Variants in NAALADL2 observed in about 807,000 individuals in gnomAD.
NAALADL2 encodes N-acetylated alpha-linked acidic dipeptidase like 2, also known as inactive N-acetylated-alpha-linked acidic dipeptidase-like protein 2.
In NAALADL2, 76 loss-of-function variants were observed where a neutral mutation model predicts 87.2. The ratio of observed to expected loss-of-function variants is 0.87; its 90% CI spans 0.72 to 1.05. The LOEUF is 1.05. Among genes scored for constraint, NAALADL2 ranks in the 50% least tolerant of loss-of-function variants. The pLI, the probability that NAALADL2 is intolerant of heterozygous loss-of-function variation, is 0.00. For synonymous variants in NAALADL2, 354 were observed against 331.0 expected, an observed-to-expected ratio of 1.07 and a Z score of -0.75; for missense variants, 1,089 against 945.8, an observed-to-expected ratio of 1.15 and a Z score of -1.99.
At chr3:175,643,194 T>A (rs1166407219) in intron 11 of NAALADL2, among the ~76,000 whole-genome samples, 1 of 152,190 alleles carries the variant, frequency 6.6e-6, no homozygotes, top group Non-Finnish European at 1.5e-5. Flanking sequence ...TGTTGATAGA[T>A]GTTGCAATAG....
At chr3:174,569,942 T>C (rs59965643) in intron 2 of NAALADL2, among the ~76,000 whole-genome samples, 3,015 of 152,222 alleles carry the variant, frequency 0.02, 100 homozygotes, top group African/African-American at 0.068. Context: ...GCTCTTTCTC[T>C]GTAAGGCTTC....
At chr3:175,324,083 GTCA>G (rs1760367042) in intron 4 of NAALADL2, 89 bp from the exon 5 acceptor site, 17 of 778,598 alleles carry the variant, frequency 2.2e-5, no homozygotes, top group Non-Finnish European at 3.4e-5. Context: ...TGGAAAAAGA[GTCA>G]TCTTATCATA....
chr3:174,441,170 AC>A (rs1714574813), intron 1 of NAALADL2: 1 of 152,038 alleles, frequency 6.6e-6, no homozygotes, highest in African/African-American at 2.4e-5. Context: ...TGTGGGCCGC[AC>A]CCCTGCGCGG....
At chr3:175,061,973 T>A (rs1713585073) in intron 1 of NAALADL2, among the ~76,000 whole-genome samples, 1 of 151,980 alleles carries the variant, frequency 6.6e-6, no homozygotes, top group African/African-American at 2.4e-5. Flanking sequence ...AAAAGCTGGA[T>A]CACAGGTGCA....
At chr3:174,899,774 T>C (rs1579431711) in intron 1 of NAALADL2, among the ~76,000 whole-genome samples, 2 of 152,112 alleles carry the variant, frequency 1.3e-5, no homozygotes, top group South Asian at 4.1e-4. Context: ...AGTGTTTTTT[T>C]CTATGAATTC....
At chr3:175,787,026 T>G (rs1456054749) in intron 13 of NAALADL2, among the ~76,000 whole-genome samples, 36 of 150,850 alleles carry the variant, frequency 2.4e-4, no homozygotes, top group South Asian at 1.0e-3. Context: ...GGCTGCTTGT[T>G]GGTCAGGGGT....
intron 5 of NAALADL2, among the ~76,000 whole-genome samples, chr3:175,342,962 C>A (rs529228194): frequency 2.6e-5 from 4 of 151,972 alleles, no homozygotes; most frequent in Admixed American, 6.6e-5. Context: ...CATAATATTT[C>A]TTTTAGATAC....
At chr3:175,392,708 A>G (rs931376000) in intron 5 of NAALADL2, among the ~76,000 whole-genome samples, 6 of 152,178 alleles carry the variant, frequency 3.9e-5, no homozygotes, top group Admixed American at 1.3e-4. Flanking sequence ...AGCTAGCACA[A>G]CTTTGGAATG....
At chr3:174,618,920 A>G (rs1720738694) in intron 2 of NAALADL2, among the ~76,000 whole-genome samples, 1 of 151,950 alleles carries the variant, frequency 6.6e-6, no homozygotes, top group Non-Finnish European at 1.5e-5. Context: ...ACCACATTCA[A>G]AGCAAAGGAT....
At chr3:175,396,362 A>AGATTT (rs1368277804) in intron 5 of NAALADL2, among the ~76,000 whole-genome samples, 1 of 152,172 alleles carries the variant, frequency 6.6e-6, no homozygotes, top group East Asian at 1.9e-4. Context: ...AAAAATGCCA[A>AGATTT]GATTTTTAAT....
At position 175,043,572 on chromosome 3, in the gene NAALADL2, G is replaced by A. The variant is rs75550341; in HGVS notation, c.44-53218G>A. Among the ~76,000 whole-genome samples, 1,002 of 152,218 alleles carry A rather than the reference G, an allele frequency of 6.6e-3. 10 individuals are homozygous for A. Among genetic ancestry groups the A allele is most frequent in the African/African-American group, 0.023 (949 of 41,520 alleles). On this transcript the variant is annotated intron_variant, in intron 1 of 13. Coordinates refer to ENST00000454872, the MANE Select transcript of NAALADL2 (RefSeq NM_207015.3). ...CTTTAATCTATTTTAAGTTGATTAA[G>A]GATCCAATTTTAATTTTTTACATGT...
At chr3:175,792,172 C>A (rs1480898015) in intron 13 of NAALADL2, among the ~76,000 whole-genome samples, 1 of 152,142 alleles carries the variant, frequency 6.6e-6, no homozygotes, top group African/African-American at 2.4e-5. Flanking sequence ...CAAATAGTGA[C>A]ACACGAATAA....
chr3:175,021,491 G>GA (rs1240515414), intron 1 of NAALADL2, among the ~76,000 whole-genome samples: 10 of 152,160 alleles, frequency 6.6e-5, no homozygotes, highest in Admixed American at 6.6e-4. Flanking sequence ...CCCATAGTAT[G>GA]AAAAATCACA....
intron 1 of NAALADL2, among the ~76,000 whole-genome samples, chr3:174,522,716 C>T (rs1212370923): frequency 1.3e-5 from 2 of 151,588 alleles, no homozygotes; most frequent in East Asian, 1.9e-4. Flanking sequence ...GGGTGGATCA[C>T]GAGGTCAGGA....
chr3:175,093,704 T>C (rs1443169785), intron 1 of NAALADL2, among the ~76,000 whole-genome samples: 1 of 151,760 alleles, frequency 6.6e-6, no homozygotes, highest in Non-Finnish European at 1.5e-5. Context: ...TGAAATACTT[T>C]GGAGTTTGTT....
chr3:174,857,091 G>C (rs1186446171), upstream of NAALADL2, among the ~76,000 whole-genome samples: 2 of 152,116 alleles, frequency 1.3e-5, no homozygotes, highest in East Asian at 3.9e-4. Flanking sequence ...AGGGGTGTCT[G>C]GGAGCACAAG....
At chr3:175,298,451 ACTTT>A (rs1252389288) in intron 4 of NAALADL2, among the ~76,000 whole-genome samples, 3 of 152,162 alleles carry the variant, frequency 2.0e-5, no homozygotes, top group African/African-American at 7.2e-5. Flanking sequence ...AGTAATAATA[ACTTT>A]CTTTAAACTT....
At chr3:175,107,658 TAGTC>T (rs965632676) in intron 2 of NAALADL2, among the ~76,000 whole-genome samples, 6 of 151,964 alleles carry the variant, frequency 3.9e-5, no homozygotes, top group African/African-American at 1.2e-4. Flanking sequence ...TAGAATAATT[TAGTC>T]AGTCCTTAGG....
At chr3:175,344,709 A>T (rs945517386) in intron 5 of NAALADL2, among the ~76,000 whole-genome samples, 1 of 152,118 alleles carries the variant, frequency 6.6e-6, no homozygotes, top group African/African-American at 2.4e-5. Flanking sequence ...TATGGATGGT[A>T]CATTATTAAT....
Sources: gnomAD v4.1 joint callset for allele counts (sites outside exome capture counted in the v4.1 genomes callset) on GRCh38, gnomAD v4.1.1 for gene constraint, MANE v1.5 for transcripts, NCBI Gene and HGNC (gene_info 2026-07-23, HGNC 2026-07-21) for gene names.